The following PRR5L variants were observed in gnomAD, a reference collection of about 807,000 sequenced individuals.
The protein encoded by PRR5L is proline rich 5 like.
A neutral mutation model predicts 36.4 loss-of-function variants in PRR5L; 21 were observed. The observed-to-expected ratio is 0.58, with a 90% CI of 0.41 to 0.83. PRR5L has a LOEUF of 0.83. Among genes scored for constraint, PRR5L ranks in the 40% least tolerant of loss-of-function variants. The probability of loss-of-function intolerance (pLI) is 0.00; values close to 1 mark genes in which losing one functional copy is unlikely to be tolerated. For synonymous variants in PRR5L, 188 were observed against 197.0 expected, an observed-to-expected ratio of 0.95 and a Z score of 0.38; for missense variants, 381 against 473.3, an observed-to-expected ratio of 0.80 and a Z score of 1.81.
At chr11:36,320,594 T>C (rs1158641826) in intron 1 of PRR5L, among the ~76,000 whole-genome samples, 1 of 152,156 alleles carries the variant, frequency 6.6e-6, no homozygotes, top group Non-Finnish European at 1.5e-5. Context: ...TGTCTGTGAG[T>C]GTTAATTTCC....
intron 1 of PRR5L, among the ~76,000 whole-genome samples, chr11:36,397,127 G>C (rs1279335335): frequency 6.6e-6 from 1 of 150,536 alleles, no homozygotes; most frequent in Non-Finnish European, 1.5e-5. Flanking sequence ...GAGTGCAGTG[G>C]CACGATCTTG....
At chr11:36,443,082 T>TA (rs1262858062) in intron 6 of PRR5L, among the ~76,000 whole-genome samples, 2 of 152,138 alleles carry the variant, frequency 1.3e-5, no homozygotes, top group East Asian at 1.9e-4. Context: ...TTTATTTATT[T>TA]AAAAAAACAA....
At chr11:36,437,098 T>C (rs543010765) in intron 5 of PRR5L, among the ~76,000 whole-genome samples, 1 of 152,308 alleles carries the variant, frequency 6.6e-6, no homozygotes, top group East Asian at 1.9e-4. Flanking sequence ...TAGTGAAGAC[T>C]AGTAAGTTTA....
chr11:36,317,768 C>T (rs187974941), intron 1 of PRR5L, among the ~76,000 whole-genome samples: 2 of 152,262 alleles, frequency 1.3e-5, no homozygotes, highest in East Asian at 1.9e-4. Context: ...TTGGCATCTT[C>T]CCAGTGGGTT....
intron 1 of PRR5L, among the ~76,000 whole-genome samples, chr11:36,342,338 C>CG (rs1360483031): frequency 1.3e-4 from 20 of 152,084 alleles, no homozygotes; most frequent in African/African-American, 4.1e-4. Flanking sequence ...GTAGGGCAGA[C>CG]GGGGGCGAAA....
chr11:36,324,981 A>G (rs1856645472), intron 1 of PRR5L, among the ~76,000 whole-genome samples: 1 of 152,178 alleles, frequency 6.6e-6, no homozygotes, highest in Non-Finnish European at 1.5e-5. Context: ...TGATGATGTT[A>G]CCAGGGGTCC....
intron 8 of PRR5L, among the ~76,000 whole-genome samples, chr11:36,459,708 C>T (rs946886952): frequency 3.9e-5 from 6 of 152,188 alleles, no homozygotes; most frequent in Non-Finnish European, 7.3e-5. Context: ...AGATCAGCAC[C>T]GAACATTCTT....
intron 1 of PRR5L, among the ~76,000 whole-genome samples, chr11:36,351,803 A>G (rs1856978506): frequency 7.4e-6 from 1 of 135,044 alleles, no homozygotes; most frequent in Non-Finnish European, 1.5e-5. Flanking sequence ...TATATACCAC[A>G]ATTTCTTTAT....
At chr11:36,319,158 T>A (rs931936472) in intron 1 of PRR5L, among the ~76,000 whole-genome samples, 4 of 152,192 alleles carry the variant, frequency 2.6e-5, no homozygotes, top group Non-Finnish European at 5.9e-5. Flanking sequence ...GTGATTGGCT[T>A]AAAGCAATCA....
chr11:36,329,682 A>T (rs1856699576), intron 1 of PRR5L, among the ~76,000 whole-genome samples: 1 of 152,212 alleles, frequency 6.6e-6, no homozygotes, highest in South Asian at 2.1e-4. Flanking sequence ...AATGTGCTTT[A>T]TTGGAACTTT....
chr11:36,398,623 ATC>A (rs1857720671), intron 1 of PRR5L: 1 of 152,264 alleles, frequency 6.6e-6, no homozygotes, highest in African/African-American at 2.4e-5. Context: ...TGTGCAGTTT[ATC>A]TGAGTCCGCG....
chr11:36,337,916 T>C (rs915318826), intron 1 of PRR5L, among the ~76,000 whole-genome samples: 4 of 152,248 alleles, frequency 2.6e-5, no homozygotes, highest in African/African-American at 9.6e-5. Flanking sequence ...GGCTGATATA[T>C]TCATCAGGGA....
At chr11:36,342,870 T>C (rs1465194250) in intron 1 of PRR5L, among the ~76,000 whole-genome samples, 1 of 152,200 alleles carries the variant, frequency 6.6e-6, no homozygotes, top group African/African-American at 2.4e-5. Context: ...TCATAGTCTC[T>C]CCTTAAAACC....
intron 5 of PRR5L, among the ~76,000 whole-genome samples, chr11:36,434,978 G>A (rs1858574558): frequency 6.6e-6 from 1 of 152,124 alleles, no homozygotes; most frequent in South Asian, 2.1e-4. Flanking sequence ...GGAGTAAGTA[G>A]GCACCAGTGC....
intron 1 of PRR5L, among the ~76,000 whole-genome samples, chr11:36,313,412 G>GTT (rs1856523849): frequency 6.6e-6 from 1 of 152,170 alleles, no homozygotes; most frequent in Non-Finnish European, 1.5e-5. Context: ...GGCTCAAAGA[G>GTT]TTATGTATGT....
chr11:36,418,292 G>C (rs1294418856), intron 3 of PRR5L, among the ~76,000 whole-genome samples: 1 of 152,034 alleles, frequency 6.6e-6, no homozygotes, highest in African/African-American at 2.4e-5. Context: ...CAGTCCATTG[G>C]GCATGGGTTG....
Position 36,348,301 on chromosome 11 carries a change from T to C in PRR5L, c.-126+51863T>C, listed in dbSNP as rs373010314. ...CATCTGTAAAACAGCCTTCACGGTA[T>C]CTATTGTTCCTATTTAATAAGGCAG... On this transcript the variant is annotated intron_variant, in intron 1 of 8. Transcript: ENST00000530639. Among the ~76,000 whole-genome samples the C allele has an allele frequency of 6.6e-5, 10 of 152,264 alleles. No homozygotes were observed. In the South Asian group the frequency reaches 1.9e-3, roughly 28 times the overall value.
intron 7 of PRR5L, among the ~76,000 whole-genome samples, chr11:36,447,466 C>G (rs1453189882): frequency 1.3e-5 from 2 of 152,196 alleles, no homozygotes; most frequent in East Asian, 3.9e-4. Context: ...TGGGTGGGGG[C>G]ACACAATTCT....
chr11:36,463,508 CTT>C lies in PRR5L; in HGVS notation c.*773_*774del, dbSNP rs1001269058. 1 of 152,640 alleles carries C rather than the reference CTT, an allele frequency of 6.6e-6. No individual in the cohort carries two copies. Among genetic ancestry groups the C allele is most frequent in the Admixed American group, 6.5e-5 (1 of 15,304 alleles). The allele number at this position is 152,640 out of a possible 1,614,324, so 9.5% of individuals were successfully genotyped here. On this transcript the variant is annotated 3_prime_UTR_variant, in exon 9 of 9. Coordinates refer to ENST00000530639, the MANE Select transcript of PRR5L (RefSeq NM_001160167.2). The stretch of plus-strand genomic sequence containing the variant: ...ACCCCCAGATAAGAAGCTGGTGCCT[CTT>C]GTCTCTCTCATTTCAGAAACGGACT...
Sources: allele counts gnomAD v4.1 joint callset (sites outside exome capture counted in the v4.1 genomes callset), GRCh38; gene constraint gnomAD v4.1.1; transcripts MANE v1.5; gene names NCBI Gene and HGNC (gene_info 2026-07-23, HGNC 2026-07-21).